The following USP32 variants were observed in gnomAD, a reference collection of about 807,000 sequenced individuals.
USP32 encodes ubiquitin carboxyl-terminal hydrolase 32.
In USP32, 59 loss-of-function variants were observed where a neutral mutation model predicts 204.8. The ratio of observed to expected loss-of-function variants is 0.29; its 90% CI spans 0.23 to 0.36. The LOEUF (loss-of-function observed/expected upper bound fraction) is 0.36, where lower values mean the gene tolerates loss of function less well. USP32 is among the 10% of genes least tolerant of loss of function. The probability of loss-of-function intolerance (pLI) is 1.00; values close to 1 mark genes in which losing one functional copy is unlikely to be tolerated. For synonymous variants in USP32, 517 were observed against 678.4 expected, an observed-to-expected ratio of 0.76 and a Z score of 3.70; for missense variants, 1,160 against 1,946.4, an observed-to-expected ratio of 0.60 and a Z score of 7.60.
chr17:60,409,415 T>A (rs1253037047), intron 1 of USP32, among the ~76,000 whole-genome samples: 1 of 152,184 alleles, frequency 6.6e-6, no homozygotes, highest in Non-Finnish European at 1.5e-5. Context: ...CGTCGGGCAG[T>A]GAGCCCATTG....
intron 5 of USP32, among the ~76,000 whole-genome samples, chr17:60,282,429 C>T (rs546288540): frequency 2.6e-5 from 4 of 152,182 alleles, no homozygotes; most frequent in African/African-American, 9.7e-5. Context: ...TCTCGGCTCA[C>T]TGCAACCTCT....
chr17:60,291,342 C>T (rs951505139), intron 4 of USP32, among the ~76,000 whole-genome samples: 1 of 152,094 alleles, frequency 6.6e-6, no homozygotes, highest in African/African-American at 2.4e-5. Flanking sequence ...TATAAATTTC[C>T]ATTTTAAGAG....
At chr17:60,205,918 G>C (rs1175753216) in intron 25 of USP32, among the ~76,000 whole-genome samples, 1 of 152,200 alleles carries the variant, frequency 6.6e-6, no homozygotes, top group Non-Finnish European at 1.5e-5. Flanking sequence ...ACCTGTATCA[G>C]CACCATGTTG....
intron 2 of USP32, among the ~76,000 whole-genome samples, chr17:60,332,625 G>A (rs752683254): frequency 2.6e-5 from 4 of 152,088 alleles, no homozygotes; most frequent in Non-Finnish European, 5.9e-5. Flanking sequence ...TCCAGCCTGG[G>A]CAACAAGAGA....
intron 30 of USP32, among the ~76,000 whole-genome samples, chr17:60,185,129 C>G (rs576183363): frequency 6.6e-6 from 1 of 152,200 alleles, no homozygotes; most frequent in Non-Finnish European, 1.5e-5. Context: ...GCCTAAGCTT[C>G]CTCTCTCCAC....
intron 1 of USP32, among the ~76,000 whole-genome samples, chr17:60,401,227 G>A (rs1317932906): frequency 6.6e-6 from 1 of 151,368 alleles, no homozygotes; most frequent in Non-Finnish European, 1.5e-5. Flanking sequence ...GGGCCAAGGT[G>A]GGCGTGGTGG....
At chr17:60,379,909 G>A (rs368945307) in intron 1 of USP32, among the ~76,000 whole-genome samples, 1 of 152,248 alleles carries the variant, frequency 6.6e-6, no homozygotes, top group East Asian at 1.9e-4. Context: ...GCTTAAAACA[G>A]TCCAATGTGG....
chr17:60,344,722 T>C (rs888920692), intron 2 of USP32, among the ~76,000 whole-genome samples: 1 of 152,248 alleles, frequency 6.6e-6, no homozygotes, highest in African/African-American at 2.4e-5. Flanking sequence ...CCCAAAGTGC[T>C]GAGATTATAG....
At chr17:60,195,023 C>A (rs534395025) in intron 27 of USP32, among the ~76,000 whole-genome samples, 1 of 152,310 alleles carries the variant, frequency 6.6e-6, no homozygotes, top group African/African-American at 2.4e-5. Context: ...GTATTCATTA[C>A]CCAACTATAA....
At chr17:60,308,714 G>A (rs2087786179) in intron 2 of USP32, among the ~76,000 whole-genome samples, 1 of 152,302 alleles carries the variant, frequency 6.6e-6, no homozygotes, top group Middle Eastern at 3.4e-3. Context: ...GATCACTTGA[G>A]GTCAGGAGTT....
intron 4 of USP32, among the ~76,000 whole-genome samples, chr17:60,293,981 T>C (rs1214587777): frequency 6.6e-6 from 1 of 152,246 alleles, no homozygotes; most frequent in East Asian, 1.9e-4. Flanking sequence ...CTGTTAAAGA[T>C]ATACTTTTTC....
intron 1 of USP32, among the ~76,000 whole-genome samples, chr17:60,401,327 G>T (rs985209277): frequency 2.0e-5 from 3 of 152,086 alleles, no homozygotes; most frequent in Admixed American, 2.0e-4. Context: ...CCGAGATCGC[G>T]CCACTGCACT....
intron 2 of USP32, among the ~76,000 whole-genome samples, chr17:60,317,690 C>T (rs975020489): frequency 6.6e-6 from 1 of 151,924 alleles, no homozygotes; most frequent in Non-Finnish European, 1.5e-5. Context: ...GTGCCATGCA[C>T]CCATAGTTCC....
At chr17:60,418,243 A>AC (rs1169443724) in intron 1 of USP32, among the ~76,000 whole-genome samples, 2 of 150,084 alleles carry the variant, frequency 1.3e-5, no homozygotes, top group Non-Finnish European at 3.0e-5. Context: ...CAGGCGTGAG[A>AC]CCCCTCGCCT....
intron 5 of USP32, among the ~76,000 whole-genome samples, chr17:60,284,201 G>A (rs112054536): frequency 7.4e-5 from 11 of 149,400 alleles, no homozygotes; most frequent in Admixed American, 7.3e-4. Flanking sequence ...AATAATTCAA[G>A]ATTTTTTCTT....
intron 2 of USP32, among the ~76,000 whole-genome samples, chr17:60,330,522 C>T (rs1444668917): frequency 1.3e-5 from 2 of 149,056 alleles, no homozygotes; most frequent in East Asian, 2.0e-4. Flanking sequence ...CTCTCTCCCC[C>T]CCTCCCTCCT....
At chr17:60,210,065 C>T (rs1325815050) in intron 21 of USP32, among the ~76,000 whole-genome samples, 1 of 151,852 alleles carries the variant, frequency 6.6e-6, no homozygotes, top group East Asian at 1.9e-4. Context: ...GGTCTTGTTG[C>T]ATCCTAAATT....
At chr17:60,411,038 A>G (rs1183182328) in intron 1 of USP32, among the ~76,000 whole-genome samples, 2 of 151,372 alleles carry the variant, frequency 1.3e-5, no homozygotes, top group Non-Finnish European at 2.9e-5. Context: ...TTTTAAAGTT[A>G]GCCAGCCAGG....
At chr17:60,367,692 T>C (rs953736689) in intron 1 of USP32, among the ~76,000 whole-genome samples, 3 of 152,052 alleles carry the variant, frequency 2.0e-5, no homozygotes, top group Non-Finnish European at 2.9e-5. Flanking sequence ...CCTATACTTA[T>C]AGCTACTTGG....
Sources: gnomAD v4.1 joint callset for allele counts (sites outside exome capture counted in the v4.1 genomes callset) on GRCh38, gnomAD v4.1.1 for gene constraint, MANE v1.5 for transcripts, NCBI Gene and HGNC (gene_info 2026-07-23, HGNC 2026-07-21) for gene names.